The following RAPGEF6 variants were observed in gnomAD, a reference collection of about 807,000 sequenced individuals.
RAPGEF6 encodes the protein Rap guanine nucleotide exchange factor 6.
Under a neutral mutation model 171.4 loss-of-function variants are expected in RAPGEF6, and 56 were observed. The ratio of observed to expected loss-of-function variants is 0.33; its 90% CI spans 0.26 to 0.41. The LOEUF (loss-of-function observed/expected upper bound fraction) is 0.41, where lower values mean the gene tolerates loss of function less well. Ranked by LOEUF, RAPGEF6 falls within the 10% of genes least tolerant of loss-of-function variation. RAPGEF6 has a pLI of 1.00. For missense variants in RAPGEF6, 1,674 were observed against 1,921.4 expected (o/e 0.87, Z 2.41); for synonymous variants, 692 against 650.1 (o/e 1.06, Z -0.98).
intron 16 of RAPGEF6, among the ~76,000 whole-genome samples, chr5:131,476,351 T>C (rs1290837957): frequency 6.6e-6 from 1 of 152,182 alleles, no homozygotes; most frequent in Non-Finnish European, 1.5e-5. Flanking sequence ...TCTGTGAGGC[T>C]GAGGCGCGTG....
chr5:131,603,143 T>C, intron 3 of RAPGEF6, 128 bp downstream of exon 3: 2 of 722,856 alleles, frequency 2.8e-6, no homozygotes, highest in Non-Finnish European at 4.8e-6. Context: ...TGTTATATAC[T>C]TCATGGTCTA....
At chr5:131,524,609 TGAGAGAGAGA>T (rs55956395) in intron 6 of RAPGEF6, among the ~76,000 whole-genome samples, 83,204 of 134,946 alleles carry the variant, frequency 0.62, 26,359 homozygotes, top group Non-Finnish European at 0.74. Flanking sequence ...AGAGAGAGAT[TGAGAGAGAGA>T]GAGAGAGAGA....
intron 3 of RAPGEF6, among the ~76,000 whole-genome samples, chr5:131,593,370 A>T (rs1195707547): frequency 3.9e-5 from 6 of 152,210 alleles, no homozygotes; most frequent in African/African-American, 1.4e-4. Context: ...CTCACTGCCT[A>T]TGTTTTCTAA....
Position 131,492,696 on chromosome 5 carries a change from C to T in RAPGEF6, c.1617G>A (p.Glu539=), listed in dbSNP as rs1365209257. 1 of 1,614,108 alleles carries T rather than the reference C, an allele frequency of 6.2e-7. No homozygotes were observed. Among genetic ancestry groups the T allele is most frequent in the South Asian group, 1.1e-5 (1 of 91,072 alleles). The change falls in exon 14 of 28, where the codon GAG becomes GAA. Residue 539 remains glutamate, a synonymous_variant. Coordinates refer to ENST00000509018, the MANE Select transcript of RAPGEF6 (RefSeq NM_016340.6). ...RQVVLQKASR[E]SPLQFSLNGG... ...CATTAAGGCTGAATTGTAGAGGGGA[C>T]TCGCGGGAAGCCTTTTGCAGCACAA...
At chr5:131,578,889 C>T (rs1284455405) in intron 4 of RAPGEF6, among the ~76,000 whole-genome samples, 1 of 152,306 alleles carries the variant, frequency 6.6e-6, no homozygotes, top group Non-Finnish European at 1.5e-5. Context: ...TGACTCTCTG[C>T]CCAGCACCTC....
intron 19 of RAPGEF6, among the ~76,000 whole-genome samples, chr5:131,457,067 T>C (rs937184175): frequency 6.6e-6 from 1 of 152,176 alleles, no homozygotes; most frequent in African/African-American, 2.4e-5. Context: ...TCCTTTATTT[T>C]ATTTATTTAT....
Position 131,461,836 on chromosome 5 carries a change from T to C in RAPGEF6, c.2733A>G (p.Thr911=), listed in dbSNP as rs763554091. Reference sequence around the variant, plus strand: ...TTAAAATTTCTGAGGCAACCCAGAATGTCTCTTGGTTTACAATGTCCTCAA... The same window carrying C: ...TTAAAATTTCTGAGGCAACCCAGAACGTCTCTTGGTTTACAATGTCCTCAA... ...KRFEDIVNQE[T]FWVASEILTE... is the part of the protein sequence containing the mutation. The change falls in exon 19 of 28, where the codon ACA becomes ACG. Residue 911 remains threonine (T), a synonymous_variant. Transcript: ENST00000509018. 3 of 1,614,062 alleles carry C rather than the reference T, an allele frequency of 1.9e-6. No homozygotes were observed. Among genetic ancestry groups the C allele is most frequent in the Non-Finnish European group, 2.5e-6 (3 of 1,179,914 alleles).
Position 131,634,864 on chromosome 5 carries a change from G to C in RAPGEF6, c.69+98C>G, listed in dbSNP as rs55750965. 7,470 of 1,362,912 alleles carry C rather than the reference G, an allele frequency of 5.5e-3. 354 individuals are homozygous for C. In the African/African-American group the frequency reaches 0.094, roughly 17 times the overall value. The allele number at this position is 1,362,912 out of a possible 1,614,324, so 84.4% of individuals were successfully genotyped here. Reference sequence around the variant, plus strand: ...CGAACAGATTCCCAGTAGCAGGTGCGAGACTCTGGCAAGAGGGCAGTCGCC... The same window carrying C: ...CGAACAGATTCCCAGTAGCAGGTGCCAGACTCTGGCAAGAGGGCAGTCGCC... On this transcript the variant is annotated intron_variant, in intron 1 of 27. Coordinates refer to ENST00000509018, the MANE Select transcript of RAPGEF6 (RefSeq NM_016340.6).
chr5:131,499,450 C>T (rs181032704), intron 11 of RAPGEF6, among the ~76,000 whole-genome samples: 1 of 151,456 alleles, frequency 6.6e-6, no homozygotes, highest in African/African-American at 2.4e-5. Flanking sequence ...GTGTGGTGGC[C>T]GGCGCCTATA....
intron 11 of RAPGEF6, among the ~76,000 whole-genome samples, chr5:131,502,256 C>T (rs1304557733): frequency 6.6e-6 from 1 of 152,140 alleles, no homozygotes; most frequent in Non-Finnish European, 1.5e-5. Context: ...TTTTTAAAAT[C>T]ACCATTTCAG....
intron 6 of RAPGEF6, among the ~76,000 whole-genome samples, chr5:131,525,215 A>T (rs1409376968): frequency 4.6e-5 from 7 of 152,034 alleles, no homozygotes; most frequent in Non-Finnish European, 1.0e-4. Flanking sequence ...GGAACCAAAA[A>T]CTCCAGAATG....
intron 4 of RAPGEF6, among the ~76,000 whole-genome samples, chr5:131,565,585 T>C (rs1439665539): frequency 2.0e-5 from 3 of 152,096 alleles, no homozygotes; most frequent in African/African-American, 4.8e-5. Context: ...ATTTATAATA[T>C]CAGATTCTGG....
chr5:131,452,177 G>A (rs891394615), intron 21 of RAPGEF6, among the ~76,000 whole-genome samples: 22 of 148,398 alleles, frequency 1.5e-4, no homozygotes, highest in African/African-American at 3.7e-4. Context: ...CCGAGATTGC[G>A]CCTCTGCACT....
At chr5:131,533,260 G>A (rs1759531927) in intron 6 of RAPGEF6, among the ~76,000 whole-genome samples, 1 of 149,912 alleles carries the variant, frequency 6.7e-6, no homozygotes, top group Non-Finnish European at 1.5e-5. Flanking sequence ...AATTCTTTAA[G>A]AAAAAAATTG....
At chr5:131,472,388 T>A in intron 17 of RAPGEF6, 199 bp downstream of exon 17, 2 of 707,374 alleles carry the variant, frequency 2.8e-6, no homozygotes, top group Admixed American at 2.1e-5. Context: ...GTCTCTTTTT[T>A]ATGTACTTCT....
intron 6 of RAPGEF6, among the ~76,000 whole-genome samples, chr5:131,545,133 T>G (rs189179160): frequency 7.5e-4 from 114 of 152,254 alleles, no homozygotes; most frequent in South Asian, 6.4e-3. Flanking sequence ...GTGCTTATTC[T>G]ACATTAAAAA....
chr5:131,558,710 C>A (rs576684856), intron 5 of RAPGEF6, among the ~76,000 whole-genome samples: 1 of 151,868 alleles, frequency 6.6e-6, no homozygotes, highest in Non-Finnish European at 1.5e-5. Flanking sequence ...CTTTGACAAG[C>A]GATTTAGAGC....
intron 1 of RAPGEF6, among the ~76,000 whole-genome samples, chr5:131,617,359 AT>A (rs1765332893): frequency 6.6e-6 from 1 of 152,208 alleles, no homozygotes; most frequent in South Asian, 2.1e-4. Flanking sequence ...AATTATGCCT[AT>A]TTCAGCTCTG....
chr5:131,446,166 T>C (rs937097183), intron 22 of RAPGEF6, among the ~76,000 whole-genome samples: 2 of 152,224 alleles, frequency 1.3e-5, no homozygotes, highest in Non-Finnish European at 2.9e-5. Context: ...GAGGTAAAAA[T>C]TCCACTTATG....
Sources: allele counts gnomAD v4.1 joint callset (sites outside exome capture counted in the v4.1 genomes callset), GRCh38; gene constraint gnomAD v4.1.1; transcripts MANE v1.5; gene names NCBI Gene and HGNC (gene_info 2026-07-23, HGNC 2026-07-21).